The following ABCA8 variants were observed in gnomAD, a reference collection of about 807,000 sequenced individuals.
ABCA8 encodes ABC-type organic anion transporter ABCA8.
ABCA8 carries 177 observed loss-of-function variants against 192.3 expected under a neutral mutation model. That is an observed-to-expected ratio of 0.92 (90% CI 0.81 to 1.04). The LOEUF is 1.04. ABCA8 is among the 50% of genes least tolerant of loss of function. The probability of loss-of-function intolerance (pLI) is 0.00; values close to 1 mark genes in which losing one functional copy is unlikely to be tolerated. For missense variants in ABCA8, 1,915 were observed against 1,904.8 expected (o/e 1.01, Z -0.10); for synonymous variants, 642 against 690.2 (o/e 0.93, Z 1.09).
intron 24 of ABCA8, among the ~76,000 whole-genome samples, chr17:68,890,115 A>G (rs191851184): frequency 7.3e-4 from 111 of 152,340 alleles, no homozygotes; most frequent in African/African-American, 1.9e-3. Context: ...TTTTAACTTT[A>G]TAAGAAACAG....
At chr17:68,893,241 C>T (rs1393831528) in intron 23 of ABCA8, among the ~76,000 whole-genome samples, 1 of 152,066 alleles carries the variant, frequency 6.6e-6, no homozygotes, top group Non-Finnish European at 1.5e-5. Flanking sequence ...GATCTATGTG[C>T]TCAAAGAACT....
Position 68,927,461 on chromosome 17 carries a change from C to T in ABCA8, c.1273+455G>A, listed in dbSNP as rs142433138. On this transcript the variant is annotated intron_variant, in intron 10 of 39. Transcript: ENST00000586539. Reference sequence around the variant, plus strand: ...ACTTCTGGGGAGATTTTTTTTTAAACGTAGATGCATTGATTAATTAAATCA... The same window carrying T: ...ACTTCTGGGGAGATTTTTTTTTAAATGTAGATGCATTGATTAATTAAATCA... Among the ~76,000 whole-genome samples the T allele has an allele frequency of 1.4e-3, 212 of 151,630 alleles. 2 individuals are homozygous for T. Among genetic ancestry groups the T allele is most frequent in the African/African-American group, 4.5e-3 (185 of 41,332 alleles).
rs2068206700 is a variant in ABCA8 at position 68,940,864 on chromosome 17, T to C, written c.195A>G (p.Gly65=). Residue 65 remains glycine (G), a synonymous_variant, in exon 4 of 40, where the codon GGA becomes GGG. Transcript: ENST00000586539. ...DFSSLLTMDL[G]RVDTFNESRF... ...TGGATTCATTAAATGTATCTACCCG[T>C]CCCAGGTCCATGGTAAGCAGTGAAG... 1.9e-6 allele frequency: 3 copies of C among 1,613,212 alleles called. No homozygotes were observed. The highest frequency in any genetic ancestry group is 4.5e-5 in the East Asian group (2 of 44,860).
At chr17:68,869,590 T>C in intron 38 of ABCA8, 110 bp downstream of exon 38, 1 of 809,424 alleles carries the variant, frequency 1.2e-6, no homozygotes, top group South Asian at 1.8e-5. Context: ...AGACTGTAAC[T>C]TTAAAATGTA....
chr17:68,910,180 G>A (rs1290849634), intron 17 of ABCA8, among the ~76,000 whole-genome samples: 3 of 152,166 alleles, frequency 2.0e-5, no homozygotes, highest in Non-Finnish European at 4.4e-5. Flanking sequence ...AAAATCAGGT[G>A]AGCAATGATA....
intron 30 of ABCA8, among the ~76,000 whole-genome samples, 160 bp downstream of exon 30, chr17:68,882,439 A>C (rs777970140): frequency 6.6e-6 from 1 of 152,206 alleles, no homozygotes; most frequent in African/African-American, 2.4e-5. Context: ...TTCTAAGAAC[A>C]AAAGAGTTAA....
chr17:68,917,978 A>G, intron 16 of ABCA8, 69 bp downstream of exon 16: 1 of 1,567,094 alleles, frequency 6.4e-7, no homozygotes, highest in Non-Finnish European at 8.7e-7. Context: ...ATAACTGTTC[A>G]GAGACCAATC....
chr17:68,892,183 T>A (rs2066635676), intron 23 of ABCA8, among the ~76,000 whole-genome samples: 1 of 152,200 alleles, frequency 6.6e-6, no homozygotes, highest in Non-Finnish European at 1.5e-5. Flanking sequence ...TGAAAGCCAG[T>A]CCCATGTTAT....
chr17:68,941,614 C>A (rs2143766778), intron 3 of ABCA8, among the ~76,000 whole-genome samples: 1 of 152,238 alleles, frequency 6.6e-6, no homozygotes, highest in Middle Eastern at 3.4e-3. Flanking sequence ...TTTACCATAT[C>A]TTTGGAATGT....
intron 23 of ABCA8, 33 bp from the exon 24 acceptor site, chr17:68,891,629 G>T: frequency 1.3e-6 from 2 of 1,488,082 alleles, no homozygotes; most frequent in Non-Finnish European, 1.8e-6. Flanking sequence ...TGAACTGAAT[G>T]AAGAAATTTA....
chr17:68,936,706 A>G (rs1219993850), intron 5 of ABCA8, among the ~76,000 whole-genome samples: 5 of 152,128 alleles, frequency 3.3e-5, no homozygotes, highest in Admixed American at 3.3e-4. Context: ...ACATATGAAT[A>G]CATATTTCAT....
At chr17:68,924,358 A>G (rs979272548) in intron 11 of ABCA8, among the ~76,000 whole-genome samples, 12 of 151,258 alleles carry the variant, frequency 7.9e-5, no homozygotes, top group African/African-American at 2.4e-4. Context: ...AAAAAAAAAA[A>G]GGGAGATAGA....
chr17:68,946,989 A>C (rs1004332558), intron 2 of ABCA8, among the ~76,000 whole-genome samples: 2 of 152,110 alleles, frequency 1.3e-5, no homozygotes, highest in Admixed American at 6.5e-5. Flanking sequence ...GAAAGAAAGA[A>C]AATAAATTGT....
Position 68,949,372 on chromosome 17 carries a change from G to T in ABCA8, c.-66C>A, listed in dbSNP as rs578222678. The T allele has an allele frequency of 1.3e-5, 2 of 152,288 alleles. No homozygotes were observed. Among genetic ancestry groups the T allele is most frequent in the East Asian group, 3.9e-4 (2 of 5,186 alleles). The allele number at this position is 152,288 out of a possible 1,614,324, so 9.4% of individuals were successfully genotyped here. Reference sequence around the variant, plus strand: ...GCTGAATTCTACCAGTGGTACAAGAGGAGCTGGTAGCATTCCTTCTGAAAC... The same window carrying T: ...GCTGAATTCTACCAGTGGTACAAGATGAGCTGGTAGCATTCCTTCTGAAAC... On this transcript the variant is annotated 5_prime_UTR_variant, in exon 2 of 40. Transcript: ENST00000586539.
chr17:68,913,435 T>C (rs1416638446), intron 17 of ABCA8, among the ~76,000 whole-genome samples: 1 of 149,214 alleles, frequency 6.7e-6, no homozygotes, highest in East Asian at 2.0e-4. Context: ...AAATAAACAA[T>C]ACAAAAAGTT....
In ABCA8 at chr17:68,911,962, A is replaced by C. The variant is rs1353360321; in HGVS notation, c.2139-4083T>G. On this transcript the variant is annotated intron_variant, in intron 17 of 39. Coordinates refer to ENST00000586539, the MANE Select transcript of ABCA8 (RefSeq NM_001288985.2). This position sits in a 1 kb window ranked among gnomAD's most constrained non-coding sequence, Gnocchi z 5.7. Reference sequence around the variant, plus strand: ...AGACCATAACATTCTATTCCCTTTGAATACTTGGAAAGCCTTCCCAAGAAG... The same window carrying C: ...AGACCATAACATTCTATTCCCTTTGCATACTTGGAAAGCCTTCCCAAGAAG... Among the ~76,000 whole-genome samples, 2 of 152,150 alleles carry C rather than the reference A, an allele frequency of 1.3e-5. No individual in the cohort carries two copies. Among genetic ancestry groups the C allele is most frequent in the Non-Finnish European group, 2.9e-5 (2 of 68,032 alleles).
At chr17:68,874,965 G>T (rs114603298) in intron 37 of ABCA8, among the ~76,000 whole-genome samples, 1 of 152,042 alleles carries the variant, frequency 6.6e-6, no homozygotes, top group Non-Finnish European at 1.5e-5. Context: ...TACTCACAAC[G>T]CTTTTTTGAA....
intron 23 of ABCA8, among the ~76,000 whole-genome samples, chr17:68,893,829 G>A (rs2066677992): frequency 6.8e-6 from 1 of 147,390 alleles, no homozygotes; most frequent in African/African-American, 2.5e-5. Flanking sequence ...CTGGTGCGCT[G>A]CACCCACTAA....
intron 18 of ABCA8, 79 bp downstream of exon 18, chr17:68,907,661 T>C: frequency 2.4e-6 from 3 of 1,275,182 alleles, no homozygotes; most frequent in Non-Finnish European, 3.1e-6. Flanking sequence ...CATTGATAAA[T>C]GTTAGTTGTA....
Sources: gnomAD v4.1 joint callset for allele counts (sites outside exome capture counted in the v4.1 genomes callset) on GRCh38, gnomAD v4.1.1 for gene constraint, Gnocchi (gnomAD v3.1) non-coding constraint, MANE v1.5 for transcripts, NCBI Gene and HGNC (gene_info 2026-07-23, HGNC 2026-07-21) for gene names.